The following XYLT1 variants were observed in gnomAD, a reference collection of about 807,000 sequenced individuals.
XYLT1 encodes xylosyltransferase 1, also known as beta-D-xylosyltransferase 1.
A neutral mutation model predicts 91.3 loss-of-function variants in XYLT1; 36 were observed. The ratio of observed to expected loss-of-function variants is 0.39; its 90% CI spans 0.30 to 0.52. The LOEUF is 0.52. XYLT1 is among the 20% of genes least tolerant of loss of function. The pLI is 0.68. For synonymous variants in XYLT1, 588 were observed against 532.0 expected (o/e 1.11, Z -1.45); for missense variants, 1,242 against 1,284.5 (o/e 0.97, Z 0.51).
At chr16:17,326,918 A>G (rs1240524882) in intron 2 of XYLT1, among the ~76,000 whole-genome samples, 1 of 152,322 alleles carries the variant, frequency 6.6e-6, no homozygotes, top group East Asian at 1.9e-4. Context: ...GGATGCTGAC[A>G]ACAGAAATTC....
At chr16:17,187,731 C>T (rs1256316177) in intron 5 of XYLT1, among the ~76,000 whole-genome samples, 2 of 151,696 alleles carry the variant, frequency 1.3e-5, no homozygotes, top group Admixed American at 6.6e-5. Flanking sequence ...CTGCAACCTC[C>T]GCCTCCCAGG....
At chr16:17,296,711 GA>G (rs2034317405) in intron 2 of XYLT1, among the ~76,000 whole-genome samples, 1 of 152,226 alleles carries the variant, frequency 6.6e-6, no homozygotes, top group Non-Finnish European at 1.5e-5. Flanking sequence ...CAAAGACAGA[GA>G]AGGACAGGCT....
In XYLT1 at chr16:17,470,612, G is replaced by GTC. The variant is rs1239586327; in HGVS notation, c.184_185insGA (p.Ala62GlyfsTer133). 8.8e-7 allele frequency: 1 copy of GTC among 1,130,780 alleles called. No homozygotes were observed. The highest frequency in any genetic ancestry group is 1.1e-6 in the Non-Finnish European group (1 of 926,496). The allele number at this position is 1,130,780 out of a possible 1,614,324, so 70.0% of individuals were successfully genotyped here. ...CAGGTCCCGGCGCTCCCGGCGCGGG[G>GTC]CCGGGGCCGGGGGCGGCTGCTCCCC... On this transcript the variant is annotated frameshift_variant, in exon 1 of 12. Transcript: ENST00000261381. LOFTEE classifies it high-confidence loss of function.
intron 2 of XYLT1, among the ~76,000 whole-genome samples, chr16:17,290,300 C>T (rs979134693): frequency 5.9e-5 from 9 of 152,276 alleles, no homozygotes; most frequent in African/African-American, 2.2e-4. Flanking sequence ...TCTATCTGGA[C>T]TGACTTTAAT....
At chr16:17,351,800 T>C (rs1349295402) in intron 2 of XYLT1, among the ~76,000 whole-genome samples, 1 of 151,054 alleles carries the variant, frequency 6.6e-6, no homozygotes, top group Non-Finnish European at 1.5e-5. Flanking sequence ...GCATCCCTGA[T>C]CTCTACCCAC....
chr16:17,297,004 A>G (rs1217560540), intron 2 of XYLT1, among the ~76,000 whole-genome samples: 6 of 152,232 alleles, frequency 3.9e-5, no homozygotes, highest in Non-Finnish European at 8.8e-5. Flanking sequence ...GAGAGGAGGA[A>G]GCAGAAGTAC....
At chr16:17,359,889 C>G (rs1398503984) in intron 1 of XYLT1, among the ~76,000 whole-genome samples, 2 of 152,192 alleles carry the variant, frequency 1.3e-5, no homozygotes, top group African/African-American at 4.8e-5. Flanking sequence ...AGAGTCTACT[C>G]TGTACTTCCT....
At chr16:17,307,655 T>A (rs1459342145) in intron 2 of XYLT1, among the ~76,000 whole-genome samples, 1 of 152,204 alleles carries the variant, frequency 6.6e-6, no homozygotes, top group Non-Finnish European at 1.5e-5. Context: ...CTCTGCACAG[T>A]GAGCTGGAAA....
At chr16:17,400,278 C>T (rs2035946830) in intron 1 of XYLT1, among the ~76,000 whole-genome samples, 2 of 152,128 alleles carry the variant, frequency 1.3e-5, no homozygotes, top group African/African-American at 2.4e-5. Flanking sequence ...AATTATAGTA[C>T]CTACTGTCCC....
At chr16:17,197,051 A>G (rs2032443373) in intron 5 of XYLT1, among the ~76,000 whole-genome samples, 1 of 147,672 alleles carries the variant, frequency 6.8e-6, no homozygotes, top group Admixed American at 6.8e-5. Context: ...ACCGTTCAGA[A>G]TATCATTCAA....
At position 17,402,146 on chromosome 16, in the gene XYLT1, A is replaced by AC. The variant is rs1274887617; in HGVS notation, c.364-44097_364-44096insG. On this transcript the variant is annotated intron_variant, in intron 1 of 11. Transcript: ENST00000261381. The stretch of plus-strand genomic sequence containing the variant: ...AAGCCCTGTTTCTACAAAAAAAAAA[A>AC]ACACACACACACACACACAAAAAGT... 4.4e-3 allele frequency among the ~76,000 whole-genome samples: 590 copies of AC among 132,824 alleles called. 6 individuals carry two copies. The highest frequency in any genetic ancestry group is 0.022 in the South Asian group (99 of 4,426). 87.1% of individuals were successfully genotyped at this position (132,824 alleles called of 152,430 possible).
intron 2 of XYLT1, among the ~76,000 whole-genome samples, chr16:17,273,537 T>C (rs2033926180): frequency 6.6e-6 from 1 of 152,136 alleles, no homozygotes; most frequent in Admixed American, 6.5e-5. Flanking sequence ...AAGCAATTCG[T>C]CTGCACATCA....
At chr16:17,346,984 C>T (rs961411352) in intron 2 of XYLT1, among the ~76,000 whole-genome samples, 1 of 151,534 alleles carries the variant, frequency 6.6e-6, no homozygotes, top group African/African-American at 2.4e-5. Context: ...TTCAGAAAGG[C>T]AGTTGAAGGC....
At chr16:17,464,963 G>A (rs2036870104) in intron 1 of XYLT1, among the ~76,000 whole-genome samples, 1 of 151,586 alleles carries the variant, frequency 6.6e-6, no homozygotes, top group Non-Finnish European at 1.5e-5. Context: ...TGGCCAACAT[G>A]GTGAAACCCT....
At chr16:17,116,554 G>A (rs1406924149) in intron 11 of XYLT1, among the ~76,000 whole-genome samples, 2 of 152,166 alleles carry the variant, frequency 1.3e-5, no homozygotes, top group African/African-American at 4.8e-5. Flanking sequence ...TGAACAGCCA[G>A]CCAATTGTTT....
At chr16:17,447,941 C>A (rs1036573895) in intron 1 of XYLT1, among the ~76,000 whole-genome samples, 1 of 152,236 alleles carries the variant, frequency 6.6e-6, no homozygotes, top group African/African-American at 2.4e-5. Context: ...AAGACCCTGT[C>A]GCTTGTGACA....
chr16:17,434,297 C>T (rs1159908406), intron 1 of XYLT1, among the ~76,000 whole-genome samples: 3 of 152,190 alleles, frequency 2.0e-5, no homozygotes, highest in Non-Finnish European at 4.4e-5. Context: ...TGGTGACAAG[C>T]GTGTCATCAC....
chr16:17,114,853 G>GTTGT (rs1966848769), intron 11 of XYLT1, among the ~76,000 whole-genome samples: 1 of 151,272 alleles, frequency 6.6e-6, no homozygotes, highest in Admixed American at 6.6e-5. Flanking sequence ...TGTTTTTGTT[G>GTTGT]TTGTTTTTTG....
chr16:17,344,307 C>T (rs2035110500), intron 2 of XYLT1, among the ~76,000 whole-genome samples: 2 of 150,754 alleles, frequency 1.3e-5, no homozygotes, highest in Admixed American at 1.3e-4. Flanking sequence ...ACGGTGAAAC[C>T]CCGTCTCTAC....
Sources: allele counts gnomAD v4.1 joint callset (sites outside exome capture counted in the v4.1 genomes callset), GRCh38; gene constraint gnomAD v4.1.1; transcripts MANE v1.5; gene names NCBI Gene and HGNC (gene_info 2026-07-23, HGNC 2026-07-21).